The following SPDYA variants were observed in gnomAD, a reference collection of about 807,000 sequenced individuals.
SPDYA encodes the protein speedy protein A.
Under a neutral mutation model 36.7 loss-of-function variants are expected in SPDYA, and 11 were observed. The ratio of observed to expected loss-of-function variants is 0.30; its 90% CI spans 0.19 to 0.50. The LOEUF (loss-of-function observed/expected upper bound fraction) is 0.50. SPDYA is among the 20% of genes least tolerant of loss of function. The pLI is 0.98. For synonymous variants in SPDYA, 115 were observed against 118.7 expected (o/e 0.97, Z 0.20); for missense variants, 287 against 370.9 (o/e 0.77, Z 1.86).
intron 6 of SPDYA, among the ~76,000 whole-genome samples, chr2:28,839,587 C>T (rs1310013769): frequency 6.6e-6 from 1 of 152,112 alleles, no homozygotes; most frequent in Non-Finnish European, 1.5e-5. Flanking sequence ...CTGCAAGCTC[C>T]GCCTCCCGGG....
chr2:28,813,891 A>G (rs1021531341), intron 1 of SPDYA, among the ~76,000 whole-genome samples: 6 of 152,160 alleles, frequency 3.9e-5, no homozygotes. Context: ...TTTGAAAAAA[A>G]TATGCAGATG....
At chr2:28,819,429 A>G (rs1301939412) in intron 4 of SPDYA, among the ~76,000 whole-genome samples, 2 of 152,108 alleles carry the variant, frequency 1.3e-5, no homozygotes, top group African/African-American at 4.8e-5. Context: ...ACTTGAACCC[A>G]GAAGTTGGAG....
In SPDYA at chr2:28,850,043, T is replaced by C. The variant is rs1421664042; in HGVS notation, c.*102T>C. ...ATGTTTAAGCAGTTTTGCTATGTTA[T>C]ACATCTTTTAGTTGTTATTTTCAAA... On this transcript the variant is annotated 3_prime_UTR_variant, in exon 8 of 8. Coordinates refer to ENST00000334056, the MANE Select transcript of SPDYA (RefSeq NM_182756.4). 2 of 1,177,810 alleles carry C rather than the reference T, an allele frequency of 1.7e-6. No homozygotes were observed. The highest frequency in any genetic ancestry group is 2.4e-5 in the East Asian group (1 of 41,632). 73.0% of individuals were successfully genotyped at this position (1,177,810 alleles called of 1,614,324 possible). A position where few individuals can be genotyped will look rare whatever the true frequency, so the allele number is the denominator to read the frequency against.
intron 4 of SPDYA, among the ~76,000 whole-genome samples, chr2:28,820,748 A>G (rs1465821674): frequency 6.6e-6 from 1 of 152,194 alleles, no homozygotes; most frequent in Non-Finnish European, 1.5e-5. Context: ...ACTACTAGCC[A>G]ACAGTAAAGG....
Position 28,849,909 on chromosome 2 carries a change from T to C in SPDYA, c.910T>C (p.Ser304Pro), listed in dbSNP as rs1313278846. Residue 304 changes from serine (S) to proline (P), a missense_variant, in exon 8 of 8, where the codon TCT becomes CCT. By Grantham distance (74) the Ser-to-Pro change is moderately conservative. Transcript: ENST00000334056. Reference protein sequence around the residue: ...KKTNFLKKDKSMEWFTGSEE With the variant: ...KKTNFLKKDKPMEWFTGSEE Reference sequence around the variant, plus strand: ...AACTAATTTCTTGAAGAAAGACAAATCTATGGAGTGGTTTACAGGAAGTGA... The same window carrying C: ...AACTAATTTCTTGAAGAAAGACAAACCTATGGAGTGGTTTACAGGAAGTGA... The C allele has an allele frequency of 1.3e-6, 2 of 1,595,060 alleles. No individual in the cohort carries two copies. Among genetic ancestry groups the C allele is most frequent in the African/African-American group, 2.7e-5 (2 of 73,936 alleles).
Position 28,849,978 on chromosome 2 carries a change from C to A in SPDYA, c.*37C>A. 2 of 1,458,944 alleles carry A rather than the reference C, an allele frequency of 1.4e-6. No individual in the cohort carries two copies. Among genetic ancestry groups the A allele is most frequent in the Non-Finnish European group, 1.9e-6 (2 of 1,057,018 alleles). The allele number at this position is 1,458,944 out of a possible 1,614,324, so 90.4% of individuals were successfully genotyped here. A position where few individuals can be genotyped will look rare whatever the true frequency, so the allele number is the denominator to read the frequency against. Reference sequence around the variant, plus strand: ...TAAACCAATTTGGAATCATTAACTACAAAATGTCAAACTAACTGCAAGACA... The same window carrying A: ...TAAACCAATTTGGAATCATTAACTAAAAAATGTCAAACTAACTGCAAGACA... On this transcript the variant is annotated 3_prime_UTR_variant, in exon 8 of 8. Transcript: ENST00000334056.
chr2:28,837,369 G>C (rs767230555), intron 6 of SPDYA, among the ~76,000 whole-genome samples: 3 of 152,126 alleles, frequency 2.0e-5, no homozygotes, highest in Non-Finnish European at 4.4e-5. Context: ...ATGGAAATAG[G>C]GAAGCCTACA....
intron 7 of SPDYA, among the ~76,000 whole-genome samples, chr2:28,845,653 T>G (rs12463507): frequency 0.23 from 34,217 of 152,068 alleles, 4,851 homozygotes; most frequent in East Asian, 0.69. Flanking sequence ...CAGGCAATTC[T>G]TGTGCCTCAG....
Position 28,816,247 on chromosome 2 carries a change from T to G in SPDYA, c.233T>G (p.Phe78Cys), listed in dbSNP as rs1237279480. 1 of 1,592,436 alleles carries G rather than the reference T, an allele frequency of 6.3e-7. No homozygotes were observed. Among genetic ancestry groups the G allele is most frequent in the Admixed American group, 1.8e-5 (1 of 55,438 alleles). ...GATATGACTGCTTTCTTTAAATTAT[T>G]TGGTAGGTTTAAAATATTGTAATAG... ...RQDMTAFFKLFDDDLIQDFLW... is the reference protein window; with the variant it reads ...RQDMTAFFKLCDDDLIQDFLW... Residue 78 changes from phenylalanine (F) to cysteine (C), a missense_variant and splice_region_variant, in exon 3 of 8, where the codon TTT (phenylalanine) becomes TGT (cysteine). Coordinates refer to ENST00000334056, the MANE Select transcript of SPDYA (RefSeq NM_182756.4).
intron 7 of SPDYA, chr2:28,840,682 G>A: frequency 7.7e-7 from 1 of 1,300,152 alleles, no homozygotes; most frequent in South Asian, 2.2e-5. Context: ...TGTGACCTAT[G>A]TTAAGTTGAA....
At chr2:28,843,585 T>C (rs1183243001) in intron 7 of SPDYA, among the ~76,000 whole-genome samples, 1 of 150,590 alleles carries the variant, frequency 6.6e-6, no homozygotes, top group African/African-American at 2.4e-5. Flanking sequence ...TTGGGAAAGA[T>C]AGATGAAGCA....
In SPDYA at chr2:28,823,733, ATATATATATAT is replaced by A. The variant is rs1372163410; in HGVS notation, c.380+1324_380+1334del. The stretch of plus-strand genomic sequence containing the variant: ...TATATATATATATATATATATATAT[ATATATATATAT>A]AAAATTTTTTTTTTTTTTTGAGATG... On this transcript the variant is annotated intron_variant, in intron 5 of 7. Transcript: ENST00000334056. Among the ~76,000 whole-genome samples, 84 of 102,778 alleles carry A rather than the reference ATATATATATAT, an allele frequency of 8.2e-4. 2 individuals carry two copies. Among genetic ancestry groups the A allele is most frequent in the Non-Finnish European group, 1.1e-3 (53 of 47,386 alleles). The allele number at this position is 102,778 out of a possible 152,430, so 67.4% of individuals were successfully genotyped here.
rs1317805331 is a variant in SPDYA, at chr2:28,829,338, T to C, written c.552+19T>C. The C allele has an allele frequency of 6.3e-7, 1 of 1,588,566 alleles. No individual in the cohort carries two copies. The highest frequency in any genetic ancestry group is 8.5e-7 in the Non-Finnish European group (1 of 1,172,652). ...TGAGGAGGTAAGAATTTTAAAATGC[T>C]TTATATATGTAATCTTTGTTTTCTG... On this transcript the variant is annotated intron_variant, in intron 6 of 7. Transcript: ENST00000334056.
chr2:28,829,079 T>C (rs1668409205), intron 5 of SPDYA, 69 bp from the exon 6 acceptor site: 1 of 1,379,844 alleles, frequency 7.2e-7, no homozygotes, highest in Non-Finnish European at 9.9e-7. Context: ...TTTTATGTCT[T>C]GGTGTATGTG....
At chr2:28,812,179 CAG>C (rs377484205) in intron 1 of SPDYA, among the ~76,000 whole-genome samples, 6 of 152,224 alleles carry the variant, frequency 3.9e-5, no homozygotes, top group African/African-American at 1.2e-4. Context: ...ACCTACCACA[CAG>C]AGATGTTTTG....
intron 6 of SPDYA, 33 bp downstream of exon 6, chr2:28,829,352 C>G (rs1249860224): frequency 6.4e-7 from 1 of 1,552,508 alleles, no homozygotes; most frequent in African/African-American, 1.4e-5. Context: ...TATATGTAAT[C>G]TTTGTTTTCT....
In SPDYA at chr2:28,834,889, G is replaced by C. The variant is rs1668556962; in HGVS notation, c.553-5283G>C. ...CATTTCAAAGCTGTTAAAATTAAAA[G>C]TAGTTCCTCCCACTATTACTCTGTA... On this transcript the variant is annotated intron_variant, in intron 6 of 7. Transcript: ENST00000334056. Among the ~76,000 whole-genome samples the C allele has an allele frequency of 2.0e-5, 3 of 152,166 alleles. No individual in the cohort carries two copies. In the South Asian group the frequency reaches 6.2e-4, roughly 32 times the overall value.
At chr2:28,820,696 T>G (rs1668134777) in intron 4 of SPDYA, among the ~76,000 whole-genome samples, 1 of 152,186 alleles carries the variant, frequency 6.6e-6, no homozygotes, top group African/African-American at 2.4e-5. Context: ...TGCCATTTTG[T>G]ACCAAGCAGT....
In SPDYA at chr2:28,840,230, G is replaced by A; in HGVS notation, c.611G>A (p.Ser204Asn). 3.7e-6 allele frequency: 6 copies of A among 1,614,178 alleles called. No individual in the cohort carries two copies. Among genetic ancestry groups the A allele is most frequent in the African/African-American group, 1.3e-5 (1 of 75,052 alleles). Residue 204 changes from serine to asparagine, a missense_variant, in exon 7 of 8, where the codon AGT (serine) becomes AAT (asparagine). Physicochemically the swap from Ser to Asn is conservative, Grantham distance 46 (BLOSUM62 1). Coordinates refer to ENST00000334056, the MANE Select transcript of SPDYA (RefSeq NM_182756.4). ...IWQRERSVHH[S>N]GAVRNYNRDE... ...CAAAGAGAACGTTCTGTTCATCACAGTGGAGCTGTCAGAAACTACAACAGA... is the reference window on the plus strand; with the variant it reads ...CAAAGAGAACGTTCTGTTCATCACAATGGAGCTGTCAGAAACTACAACAGA...
Sources: allele counts gnomAD v4.1 joint callset (sites outside exome capture counted in the v4.1 genomes callset), GRCh38; gene constraint gnomAD v4.1.1; transcripts MANE v1.5; gene names NCBI Gene and HGNC (gene_info 2026-07-23, HGNC 2026-07-21).